The following SLC24A2 variants were observed in gnomAD, a reference collection of about 807,000 sequenced individuals.
The protein encoded by SLC24A2 is solute carrier family 24 member 2.
Under a neutral mutation model 62.0 loss-of-function variants are expected in SLC24A2, and 36 were observed. The observed-to-expected ratio is 0.58, with a 90% CI of 0.44 to 0.77. The LOEUF (loss-of-function observed/expected upper bound fraction) is 0.77. SLC24A2 is among the 30% of genes least tolerant of loss of function. SLC24A2 has a pLI of 0.00. For missense variants in SLC24A2, 846 were observed against 817.9 expected, an observed-to-expected ratio of 1.03 and a Z score of -0.42; for synonymous variants, 358 against 294.0, an observed-to-expected ratio of 1.22 and a Z score of -2.23.
At chr9:20,142,277 T>A in the SLC24A2 span, among the ~76,000 whole-genome samples, 1 of 152,114 alleles carries the variant, frequency 6.6e-6, no homozygotes, top group Non-Finnish European at 1.5e-5. Flanking sequence ...GTACTTACTT[T>A]TATTAATATT....
chr9:20,093,977 T>C, the SLC24A2 span, among the ~76,000 whole-genome samples: 1 of 152,244 alleles, frequency 6.6e-6, no homozygotes, highest in South Asian at 2.1e-4. Flanking sequence ...TAAATTAAAA[T>C]TTTAAAAATA....
In SLC24A2 at chr9:19,550,214, G is replaced by A. The variant is rs780842183; in HGVS notation, c.1402C>T (p.Arg468Cys). 1.2e-5 allele frequency: 20 copies of A among 1,613,964 alleles called. No individual in the cohort carries two copies. Among genetic ancestry groups the A allele is most frequent in the Non-Finnish European group, 1.5e-5 (18 of 1,179,980 alleles). ...PLSLAWPSET[R>C]KQVTFLIVFP... The stretch of plus-strand genomic sequence containing the variant: ...ACAATCAGAAACGTGACTTGCTTGC[G>A]GGTTTCAGAAGGCCAGGCAAGGCTG... Residue 468 changes from arginine (R) to cysteine (C), a missense_variant, in exon 8 of 11, where the codon CGC (arginine) becomes TGC (cysteine). Arg to Cys is a radical substitution (Grantham distance 180). Coordinates refer to ENST00000341998, the MANE Select transcript of SLC24A2 (RefSeq NM_020344.4).
the SLC24A2 span, among the ~76,000 whole-genome samples, chr9:19,937,774 C>G: frequency 1.3e-5 from 2 of 152,138 alleles, no homozygotes; most frequent in Non-Finnish European, 2.9e-5. Context: ...CTGTGCTTCT[C>G]TCTGGATAGC....
At chr9:20,196,490 G>A in the SLC24A2 span, among the ~76,000 whole-genome samples, 1 of 152,224 alleles carries the variant, frequency 6.6e-6, no homozygotes, top group East Asian at 1.9e-4. Flanking sequence ...AAAATCAGTG[G>A]ATTCCACTTT....
At chr9:20,294,966 T>TATAAATAA in the SLC24A2 span, among the ~76,000 whole-genome samples, 1 of 151,600 alleles carries the variant, frequency 6.6e-6, no homozygotes. Flanking sequence ...TTAGATCAGG[T>TATAAATAA]ATAAATAAAT....
At chr9:20,188,305 C>T in the SLC24A2 span, among the ~76,000 whole-genome samples, 3 of 152,166 alleles carry the variant, frequency 2.0e-5, no homozygotes, top group Non-Finnish European at 2.9e-5. Context: ...CCTTAGCTCA[C>T]TTTCTGAGGA....
At chr9:19,974,989 G>C in the SLC24A2 span, among the ~76,000 whole-genome samples, 1 of 152,138 alleles carries the variant, frequency 6.6e-6, no homozygotes, top group African/African-American at 2.4e-5. Context: ...TTATCAGGTA[G>C]GAAAATCTTT....
intron 2 of SLC24A2, among the ~76,000 whole-genome samples, chr9:19,675,806 TC>T: frequency 6.6e-6 from 1 of 152,258 alleles, no homozygotes; most frequent in South Asian, 2.1e-4. Context: ...GTTTTGTGCC[TC>T]CCCGCCTGCT....
At chr9:20,298,262 T>G in the SLC24A2 span, among the ~76,000 whole-genome samples, 1 of 152,374 alleles carries the variant, frequency 6.6e-6, no homozygotes, top group South Asian at 2.1e-4. Flanking sequence ...GGAGTCTTAC[T>G]CTTGCCACCC....
At chr9:19,898,513 C>T in the SLC24A2 span, among the ~76,000 whole-genome samples, 30 of 152,048 alleles carry the variant, frequency 2.0e-4, no homozygotes, top group African/African-American at 6.0e-4. Context: ...GAGGCCAAGG[C>T]GGGTGGATCA....
the SLC24A2 span, among the ~76,000 whole-genome samples, chr9:20,258,415 A>G: frequency 6.6e-6 from 1 of 152,190 alleles, no homozygotes; most frequent in Non-Finnish European, 1.5e-5. Flanking sequence ...CATGTGGGTC[A>G]GTGGACTAAG....
the SLC24A2 span, among the ~76,000 whole-genome samples, chr9:20,110,468 T>G: frequency 6.6e-6 from 1 of 151,424 alleles, no homozygotes; most frequent in South Asian, 2.1e-4. Context: ...CTTTTTTTTT[T>G]CACTCTTACA....
At chr9:19,854,811 T>G in the SLC24A2 span, among the ~76,000 whole-genome samples, 1 of 152,216 alleles carries the variant, frequency 6.6e-6, no homozygotes, top group African/African-American at 2.4e-5. Flanking sequence ...CAGGTCCACT[T>G]GATCCAGAGC....
the SLC24A2 span, among the ~76,000 whole-genome samples, chr9:19,914,469 T>G: frequency 6.6e-6 from 1 of 152,158 alleles, no homozygotes; most frequent in East Asian, 1.9e-4. Flanking sequence ...TCACTAAACA[T>G]GTAGCATTTT....
chr9:19,964,153 G>T, the SLC24A2 span, among the ~76,000 whole-genome samples: 6 of 141,924 alleles, frequency 4.2e-5, no homozygotes, highest in African/African-American at 1.3e-4. Flanking sequence ...CTCATTCATA[G>T]ATGAGAATTG....
At chr9:20,248,673 G>T in the SLC24A2 span, among the ~76,000 whole-genome samples, 1 of 152,140 alleles carries the variant, frequency 6.6e-6, no homozygotes, top group East Asian at 1.9e-4. Flanking sequence ...ATGAATTTGG[G>T]GGGCCACATT....
At chr9:19,941,684 G>A in the SLC24A2 span, among the ~76,000 whole-genome samples, 4 of 151,926 alleles carry the variant, frequency 2.6e-5, no homozygotes, top group African/African-American at 9.7e-5. Context: ...CATCAATGTA[G>A]TATTTGTAAT....
At chr9:19,952,726 C>A in the SLC24A2 span, among the ~76,000 whole-genome samples, 4 of 139,124 alleles carry the variant, frequency 2.9e-5, no homozygotes, top group Admixed American at 7.4e-5. Flanking sequence ...GTTTCTTTGT[C>A]TATATTCAGT....
chr9:20,209,687 G>A, the SLC24A2 span, among the ~76,000 whole-genome samples: 1 of 152,102 alleles, frequency 6.6e-6, no homozygotes, highest in Non-Finnish European at 1.5e-5. Flanking sequence ...CTAAGACTGG[G>A]TAAAGCATGA....
Sources: allele counts gnomAD v4.1 joint callset (sites outside exome capture counted in the v4.1 genomes callset), GRCh38; gene constraint gnomAD v4.1.1; transcripts MANE v1.5; gene names NCBI Gene and HGNC (gene_info 2026-07-23, HGNC 2026-07-21).